The following MGAT4B variants were observed in gnomAD, a reference collection of about 807,000 sequenced individuals.
The protein encoded by MGAT4B is alpha-1,3-mannosyl-glycoprotein 4-beta-N-acetylglucosaminyltransferase B.
A neutral mutation model predicts 73.9 loss-of-function variants in MGAT4B; 38 were observed. The observed-to-expected ratio is 0.51, with a 90% confidence interval of 0.40 to 0.67. The LOEUF is 0.67. Ranked by LOEUF, MGAT4B falls within the 30% of genes least tolerant of loss-of-function variation. The pLI, the probability that MGAT4B is intolerant of heterozygous loss-of-function variation, is 0.00. For missense variants in MGAT4B, 686 were observed against 735.2 expected (o/e 0.93, Z 0.77); for synonymous variants, 373 against 313.5 (o/e 1.19, Z -2.01).
chr5:179,799,323 G>C lies in MGAT4B; in HGVS notation c.1042-13C>G, dbSNP rs776948159. ...GGTCACAGTGCTTCTGTGGAGGGTG[G>C]GCAACACCCCAGGGCTCGGCTTAGC... On this transcript the variant is annotated splice_polypyrimidine_tract_variant and intron_variant, in intron 9 of 14. Coordinates refer to ENST00000292591, the MANE Select transcript of MGAT4B (RefSeq NM_014275.5). 1.2e-6 allele frequency: 2 copies of C among 1,612,612 alleles called. No homozygotes were observed. Among genetic ancestry groups the C allele is most frequent in the East Asian group, 2.2e-5 (1 of 44,850 alleles).
intron 1 of MGAT4B, chr5:179,803,340 G>A (rs1054435781): frequency 4.4e-6 from 4 of 917,328 alleles, no homozygotes; most frequent in Admixed American, 6.2e-5. Flanking sequence ...CAGGCTCCAC[G>A]CTGGGCTCAG....
intron 1 of MGAT4B, chr5:179,804,817 G>A (rs547496865): frequency 6.6e-5 from 10 of 152,300 alleles, no homozygotes; most frequent in African/African-American, 2.2e-4. Context: ...AACGAGATGG[G>A]TTCACATAAG....
rs574034982 is a variant in MGAT4B, at chr5:179,806,666, C to G, written c.-83G>C. Reference sequence around the variant, plus strand: ...GGGCCGGGGCGCAGGGGTCGGAAGGCGGCGGCGGCGGCGGCAGGGGCCCCG... The same window carrying G: ...GGGCCGGGGCGCAGGGGTCGGAAGGGGGCGGCGGCGGCGGCAGGGGCCCCG... On this transcript the variant is annotated 5_prime_UTR_variant, in exon 1 of 15. Transcript: ENST00000292591. This position sits in a 1 kb window ranked among gnomAD's most constrained non-coding sequence, Gnocchi z 4.6. The G allele has an allele frequency of 2.3e-3, 1,081 of 471,774 alleles. 14 individuals are homozygous for G. Among genetic ancestry groups the G allele is most frequent in the African/African-American group, 0.023 (993 of 43,388 alleles). 29.2% of individuals were successfully genotyped at this position (471,774 alleles called of 1,614,324 possible).
In MGAT4B at chr5:179,798,333, C is replaced by A. The variant is rs377385523; in HGVS notation, c.1510+14G>T. On this transcript the variant is annotated intron_variant, in intron 13 of 14. Transcript: ENST00000292591. ...CTGAACCCCAGCCCACGCTCTCCCC[C>A]AAACCCTACCCACCGATCTGGAGGT... The A allele has an allele frequency of 1.4e-5, 22 of 1,612,966 alleles. No individual in the cohort carries two copies. The highest frequency in any genetic ancestry group is 1.8e-5 in the Non-Finnish European group (21 of 1,180,004).
At position 179,806,505 on chromosome 5, in the gene MGAT4B, C is replaced by A. The variant is rs1418305829; in HGVS notation, c.79G>T (p.Ala27Ser). The change falls in exon 1 of 15, where the codon GCA becomes TCA. Residue 27 changes from alanine (A) to serine (S), a missense_variant. Transcript: ENST00000292591. This position sits in a 1 kb window ranked among gnomAD's most constrained non-coding sequence, Gnocchi z 4.6. The part of the protein sequence containing the change: ...CAFLSLSWYA[A>S]LSGQKGDVVD... The stretch of plus-strand genomic sequence containing the variant: ...CGCTCACCTTTCTGGCCGCTGAGTG[C>A]CGCGTACCAGGACAGCGAGAGGAAG... 64 of 1,323,324 alleles carry A rather than the reference C, an allele frequency of 4.8e-5. No individual in the cohort carries two copies. Among genetic ancestry groups the A allele is most frequent in the Non-Finnish European group, 6.3e-5 (64 of 1,011,198 alleles). The allele number at this position is 1,323,324 out of a possible 1,614,324, so 82.0% of individuals were successfully genotyped here.
intron 7 of MGAT4B, 24 bp from the exon 8 acceptor site, chr5:179,800,092 T>G: frequency 6.2e-7 from 1 of 1,612,208 alleles, no homozygotes; most frequent in Non-Finnish European, 8.5e-7. Context: ...AGAGAGGGGC[T>G]GGGGCTGAGG....
chr5:179,800,867 G>A (rs377567890), intron 5 of MGAT4B, 40 bp downstream of exon 5: 6 of 1,606,830 alleles, frequency 3.7e-6, no homozygotes, highest in Non-Finnish European at 5.1e-6. Context: ...CCCGCACCGA[G>A]CTCTCCCGCC....
intron 8 of MGAT4B, 77 bp downstream of exon 8, chr5:179,799,877 A>G: frequency 1.4e-6 from 2 of 1,411,666 alleles, no homozygotes; most frequent in Non-Finnish European, 2.0e-6. Context: ...CTCACAGTGG[A>G]CACAGTGGGA....
rs377276936 is a variant in MGAT4B, at chr5:179,799,350, C to G, written c.1042-40G>C. On this transcript the variant is annotated intron_variant, in intron 9 of 14. Coordinates refer to ENST00000292591, the MANE Select transcript of MGAT4B (RefSeq NM_014275.5). ...CAACACCCCAGGGCTCGGCTTAGCC[C>G]TCCTTCCTCAACACGGCCTCTCCTG... 11 of 1,608,330 alleles carry G rather than the reference C, an allele frequency of 6.8e-6. No individual in the cohort carries two copies. In the African/African-American group the frequency reaches 1.3e-4, roughly 20 times the overall value.
rs11547065 is a variant in MGAT4B, at chr5:179,806,740, G to A, written c.-157C>T. 1,564 of 154,010 alleles carry A rather than the reference G, an allele frequency of 0.01. 8 individuals carry two copies. The highest frequency in any genetic ancestry group is 0.043 in the Middle Eastern group (13 of 304). The allele number at this position is 154,010 out of a possible 1,614,324, so 9.5% of individuals were successfully genotyped here. ...GGGCCCGGGGCCGGGCGGGGACCGGGCCAGGGAGCGCGCCGGCCGCCCCTC... is the reference window on the plus strand; with the variant it reads ...GGGCCCGGGGCCGGGCGGGGACCGGACCAGGGAGCGCGCCGGCCGCCCCTC... On this transcript the variant is annotated 5_prime_UTR_variant, in exon 1 of 15. Transcript: ENST00000292591. This position sits in a 1 kb window ranked among gnomAD's most constrained non-coding sequence, Gnocchi z 4.6.
Position 179,806,468 on chromosome 5 carries a change from G to C in MGAT4B, c.97+19C>G. On this transcript the variant is annotated intron_variant, in intron 1 of 14. Coordinates refer to ENST00000292591, the MANE Select transcript of MGAT4B (RefSeq NM_014275.5). The surrounding 1 kb of genome is among the most constrained non-coding windows in gnomAD (Gnocchi z 4.6). ...CGCCCAGGTGCGCCAGGTGCGGGCC[G>C]GGCGGGGGTCGCGCTCACCTTTCTG... 6 of 1,260,416 alleles carry C rather than the reference G, an allele frequency of 4.8e-6. No individual in the cohort carries two copies. Among genetic ancestry groups the C allele is most frequent in the Non-Finnish European group, 6.1e-6 (6 of 975,864 alleles). 78.1% of individuals were successfully genotyped at this position (1,260,416 alleles called of 1,614,324 possible).
Position 179,806,372 on chromosome 5 carries a change from C to T in MGAT4B, c.97+115G>A. On this transcript the variant is annotated intron_variant, in intron 1 of 14. Transcript: ENST00000292591. The surrounding 1 kb of genome is among the most constrained non-coding windows in gnomAD (Gnocchi z 4.6). Reference sequence around the variant, plus strand: ...GAGGGGCGTCCTCGCGCCGCCCGGGCGGGGAAGGGGCGCCTGCGTCGGCTT... The same window carrying T: ...GAGGGGCGTCCTCGCGCCGCCCGGGTGGGGAAGGGGCGCCTGCGTCGGCTT... The T allele has an allele frequency of 2.2e-6, 1 of 446,220 alleles. No individual in the cohort carries two copies. Among genetic ancestry groups the T allele is most frequent in the Non-Finnish European group, 3.1e-6 (1 of 324,850 alleles). 27.6% of individuals were successfully genotyped at this position (446,220 alleles called of 1,614,324 possible). A position where few individuals can be genotyped will look rare whatever the true frequency, so the allele number is the denominator to read the frequency against.
In MGAT4B at chr5:179,806,108, G is replaced by C. The variant is rs988416367; in HGVS notation, c.97+379C>G. 2.0e-5 allele frequency: 3 copies of C among 152,522 alleles called. No homozygotes were observed. The highest frequency in any genetic ancestry group is 7.2e-5 in the African/African-American group (3 of 41,424). 9.4% of individuals were successfully genotyped at this position (152,522 alleles called of 1,614,324 possible). A position where few individuals can be genotyped will look rare whatever the true frequency, so the allele number is the denominator to read the frequency against. ...GCGCGGGGCAGCAGGCAGCAGGGTG[G>C]GGGGGTGCCCTCGCGCCTGTGTCCC... On this transcript the variant is annotated intron_variant, in intron 1 of 14. Transcript: ENST00000292591. The surrounding 1 kb of genome is among the most constrained non-coding windows in gnomAD (Gnocchi z 4.6).
chr5:179,799,703 C>T lies in MGAT4B; in HGVS notation c.911-67G>A, dbSNP rs60822577. On this transcript the variant is annotated intron_variant, in intron 8 of 14. Transcript: ENST00000292591. Reference sequence around the variant, plus strand: ...CTTCCTTTCTCCCTGCAGCGGCCCCCGAGTCCCACAGCAAACCCAGGGGCA... The same window carrying T: ...CTTCCTTTCTCCCTGCAGCGGCCCCTGAGTCCCACAGCAAACCCAGGGGCA... 3.3e-3 allele frequency: 5,214 copies of T among 1,604,156 alleles called. 130 individuals carry two copies. In the African/African-American group the frequency reaches 0.061, roughly 19 times the overall value.
intron 7 of MGAT4B, 53 bp downstream of exon 7, chr5:179,800,131 G>T: frequency 6.2e-7 from 1 of 1,609,978 alleles, no homozygotes; most frequent in South Asian, 1.1e-5. Context: ...CAGACCCATC[G>T]CAGGGCAGGG....
Position 179,799,052 on chromosome 5 carries a change from G to C in MGAT4B, c.1219C>G (p.Leu407Val), listed in dbSNP as rs774302363. Residue 407 changes from leucine (L) to valine (V), a missense_variant, in exon 11 of 15, where the codon CTG becomes GTG. By Grantham distance (32) the Leu-to-Val change is conservative (BLOSUM62 1). Transcript: ENST00000292591. ...AGGGTGAAGTGCTGGTATGTCTTCA[G>C]GCTCGTGCTCACCTCTGCTGGCGGG... is the stretch of plus-strand genomic sequence containing the variant. ...VNPPAEVSTS[L>V]KTYQHFTLEK... 1 of 1,614,010 alleles carries C rather than the reference G, an allele frequency of 6.2e-7. No individual in the cohort carries two copies. The highest frequency in any genetic ancestry group is 1.1e-5 in the South Asian group (1 of 91,090).
At chr5:179,805,000 C>T (rs1473863014) in intron 1 of MGAT4B, 2 of 152,320 alleles carry the variant, frequency 1.3e-5, no homozygotes, top group African/African-American at 4.8e-5. Flanking sequence ...TAAGTGCTCC[C>T]CTTCTTTGCT....
chr5:179,800,456 G>A (rs1756865308), intron 6 of MGAT4B, 28 bp downstream of exon 6: 2 of 1,523,332 alleles, frequency 1.3e-6, no homozygotes, highest in Non-Finnish European at 1.8e-6. Flanking sequence ...CAGGCGGGTT[G>A]CTGAGGGTAT....
rs762208787 is a variant in MGAT4B at position 179,801,576 on chromosome 5, G to A, written c.402C>T (p.Arg134=). The change falls in exon 3 of 15, where the codon CGC becomes CGT. Residue 134 remains arginine (R), a synonymous_variant. Transcript: ENST00000292591. This position sits in a 1 kb window ranked among gnomAD's most constrained non-coding sequence, Gnocchi z 4.8. ...AKESSLQPAV[R]VGQGRTGVSV... is the part of the protein sequence containing the mutation. The stretch of plus-strand genomic sequence containing the variant: ...TACCTCCGGTGCGGCCCTGGCCCAC[G>A]CGCACCGCGGGCTGCAGACTGCTCT... The A allele has an allele frequency of 6.8e-6, 11 of 1,606,958 alleles. No homozygotes were observed. In the Admixed American group the frequency reaches 1.0e-4, roughly 15 times the overall value.
Sources: gnomAD v4.1 joint callset for allele counts on GRCh38, gnomAD v4.1.1 for gene constraint, Gnocchi (gnomAD v3.1) non-coding constraint, MANE v1.5 for transcripts, NCBI Gene and HGNC (gene_info 2026-07-23, HGNC 2026-07-21) for gene names.